The following GALNT17 variants were observed in gnomAD, a reference collection of about 807,000 sequenced individuals.
GALNT17 encodes the protein UDP-GalNAc:polypeptide N-acetylgalactosaminyltransferase-like 3.
A neutral mutation model predicts 63.7 loss-of-function variants in GALNT17; 29 were observed. That is an observed-to-expected ratio of 0.46 (90% confidence interval 0.34 to 0.62). The LOEUF is 0.62. Among genes scored for constraint, GALNT17 ranks in the 20% least tolerant of loss-of-function variants. The pLI is 0.01. For missense variants in GALNT17, 603 were observed against 799.6 expected (o/e 0.75, Z 2.97); for synonymous variants, 305 against 318.3 (o/e 0.96, Z 0.45).
chr7:71,631,400 G>A (rs960478482), intron 6 of GALNT17, among the ~76,000 whole-genome samples: 20 of 152,050 alleles, frequency 1.3e-4, no homozygotes, highest in African/African-American at 4.8e-4. Context: ...ATGTTGCCCA[G>A]GCTGGTCTGG....
At chr7:71,274,889 G>A (rs1387152151) in intron 1 of GALNT17, among the ~76,000 whole-genome samples, 1 of 152,164 alleles carries the variant, frequency 6.6e-6, no homozygotes, top group Non-Finnish European at 1.5e-5. Flanking sequence ...CAAAAAAATA[G>A]TTATCCTGCC....
Position 71,710,057 on chromosome 7 carries a change from G to A in GALNT17, c.1501-704G>A, listed in dbSNP as rs1353968894. On this transcript the variant is annotated intron_variant, in intron 9 of 10. Coordinates refer to ENST00000333538, the MANE Select transcript of GALNT17 (RefSeq NM_022479.3). The stretch of plus-strand genomic sequence containing the variant: ...TTAGTCAATCCCCCTTTGTAAGTGG[G>A]GAGGAAATGGAGACTCAGGTTACTT... Among the ~76,000 whole-genome samples the A allele has an allele frequency of 2.6e-5, 4 of 152,286 alleles. No individual in the cohort carries two copies. In the East Asian group the frequency reaches 7.7e-4, roughly 29 times the overall value.
At chr7:71,364,416 C>G (rs556647423) in intron 2 of GALNT17, among the ~76,000 whole-genome samples, 2 of 152,300 alleles carry the variant, frequency 1.3e-5, no homozygotes, top group East Asian at 1.9e-4. Flanking sequence ...CCACCAATAT[C>G]CTGCTGGGCC....
intron 1 of GALNT17, among the ~76,000 whole-genome samples, chr7:71,139,090 A>G (rs537483431): frequency 6.4e-4 from 98 of 152,322 alleles, no homozygotes; most frequent in African/African-American, 2.2e-3. Flanking sequence ...TTTCTGAGGA[A>G]GTTACTTATT....
chr7:71,309,973 G>GA (rs1791386725), intron 1 of GALNT17, among the ~76,000 whole-genome samples: 1 of 152,116 alleles, frequency 6.6e-6, no homozygotes, highest in Non-Finnish European at 1.5e-5. Context: ...TTCCCATGCT[G>GA]TTCTCGTGAT....
intron 1 of GALNT17, among the ~76,000 whole-genome samples, chr7:71,151,849 C>T (rs1020515927): frequency 1.3e-5 from 2 of 151,968 alleles, no homozygotes; most frequent in Non-Finnish European, 2.9e-5. Context: ...TGGCATTTTT[C>T]AAGATGAGAC....
intron 6 of GALNT17, among the ~76,000 whole-genome samples, chr7:71,587,343 G>T (rs1453036149): frequency 6.6e-6 from 1 of 152,108 alleles, no homozygotes; most frequent in African/African-American, 2.4e-5. Context: ...TTTACCCTTT[G>T]AAGGGGGGTA....
At chr7:71,642,334 C>T (rs753807191) in intron 6 of GALNT17, among the ~76,000 whole-genome samples, 42 of 152,230 alleles carry the variant, frequency 2.8e-4, no homozygotes, top group Non-Finnish European at 5.0e-4. Context: ...GAATATAGAG[C>T]ACTTTGCAAA....
At chr7:71,268,549 C>CAATA (rs3061640) in intron 1 of GALNT17, among the ~76,000 whole-genome samples, 3,592 of 135,268 alleles carry the variant, frequency 0.027, 76 homozygotes, top group Middle Eastern at 0.037. Context: ...AGATCCATCT[C>CAATA]AATAAATAAA....
At chr7:71,524,013 G>T (rs1788574324) in intron 5 of GALNT17, among the ~76,000 whole-genome samples, 1 of 150,570 alleles carries the variant, frequency 6.6e-6, no homozygotes. Context: ...AGCTACTCGG[G>T]AGGCTGAGGC....
chr7:71,334,319 G>A (rs1456793065), intron 1 of GALNT17, among the ~76,000 whole-genome samples: 2 of 152,142 alleles, frequency 1.3e-5, no homozygotes, highest in Admixed American at 6.5e-5. Context: ...GGATGTCTTC[G>A]TGGGAGATTT....
intron 5 of GALNT17, among the ~76,000 whole-genome samples, chr7:71,560,608 G>A (rs1009434116): frequency 1.3e-4 from 20 of 152,194 alleles, no homozygotes; most frequent in African/African-American, 1.9e-4. Context: ...TCATGCCTTC[G>A]TGCCAGCACC....
At chr7:71,537,422 G>A (rs751234914) in intron 5 of GALNT17, among the ~76,000 whole-genome samples, 8 of 152,066 alleles carry the variant, frequency 5.3e-5, no homozygotes, top group South Asian at 2.1e-4. Flanking sequence ...AGTGGGTGGC[G>A]GACGGTTAGG....
chr7:71,406,020 A>G (rs897803496), intron 3 of GALNT17, among the ~76,000 whole-genome samples: 5 of 152,194 alleles, frequency 3.3e-5, no homozygotes, highest in Admixed American at 2.0e-4. Context: ...GGACCCAGTA[A>G]GTATGAAGAC....
intron 1 of GALNT17, among the ~76,000 whole-genome samples, chr7:71,260,950 C>T (rs1384289368): frequency 6.6e-6 from 1 of 152,046 alleles, no homozygotes. Context: ...ATTATAAACC[C>T]AGGTGTTAAA....
At chr7:71,456,560 A>G (rs529688531) in intron 5 of GALNT17, among the ~76,000 whole-genome samples, 3 of 152,154 alleles carry the variant, frequency 2.0e-5, no homozygotes, top group African/African-American at 7.2e-5. Flanking sequence ...TACTAAAAAT[A>G]CAAAACTTAG....
At chr7:71,387,698 A>G (rs984441904) in intron 2 of GALNT17, among the ~76,000 whole-genome samples, 4 of 152,108 alleles carry the variant, frequency 2.6e-5, no homozygotes, top group African/African-American at 4.8e-5. Context: ...GGTTTCAGGC[A>G]AGGAAATGGA....
chr7:71,151,619 CAAAAAAAAGAAAAGAAAAAA>C (rs1562866228), intron 1 of GALNT17, among the ~76,000 whole-genome samples: 1 of 118,950 alleles, frequency 8.4e-6, no homozygotes, highest in Non-Finnish European at 1.8e-5. Context: ...GACTCCATCT[CAAAAAAAAGAAAAGAAAAAA>C]AAAAAAAAGA....
chr7:71,679,705 G>T (rs1791209079), intron 9 of GALNT17, among the ~76,000 whole-genome samples: 1 of 151,924 alleles, frequency 6.6e-6, no homozygotes, highest in South Asian at 2.1e-4. Flanking sequence ...AGAGCAGATG[G>T]TGAGAGACCT....
Sources: gnomAD v4.1 joint callset for allele counts (sites outside exome capture counted in the v4.1 genomes callset) on GRCh38, gnomAD v4.1.1 for gene constraint, MANE v1.5 for transcripts, NCBI Gene and HGNC (gene_info 2026-07-23, HGNC 2026-07-21) for gene names.